Variants in GLI2 observed in about 807,000 individuals in gnomAD.
GLI2 encodes GLI family zinc finger 2, also known as transcription activator GLI2.
GLI2 carries 22 observed loss-of-function variants against 78.9 expected under a neutral mutation model. The observed-to-expected ratio is 0.28, with a 90% CI of 0.20 to 0.40. The LOEUF is 0.40. GLI2 is among the 10% of genes least tolerant of loss of function. The pLI is 1.00. For missense variants in GLI2, 2,097 were observed against 2,213.2 expected, an observed-to-expected ratio of 0.95 and a Z score of 1.05; for synonymous variants, 974 against 963.7, an observed-to-expected ratio of 1.01 and a Z score of -0.20.
At chr2:120,905,479 G>A (rs1573573840) in intron 2 of GLI2, among the ~76,000 whole-genome samples, 1 of 152,204 alleles carries the variant, frequency 6.6e-6, no homozygotes, top group Admixed American at 6.5e-5. Flanking sequence ...GACTCAGAGA[G>A]GTTGGGTGAT....
At chr2:120,971,448 C>T (rs1385643442) in intron 7 of GLI2, among the ~76,000 whole-genome samples, 1 of 152,254 alleles carries the variant, frequency 6.6e-6, no homozygotes, top group African/African-American at 2.4e-5. Flanking sequence ...CTCTCCACCC[C>T]AGGGCTCCTG....
At chr2:120,794,869 A>ATT (rs1015094008) in intron 1 of GLI2, among the ~76,000 whole-genome samples, 1 of 151,990 alleles carries the variant, frequency 6.6e-6, no homozygotes, top group African/African-American at 2.4e-5. Context: ...CAGCAAGCAG[A>ATT]TTTTTCTCTC....
chr2:120,854,129 T>TA (rs1363577271), intron 2 of GLI2, among the ~76,000 whole-genome samples: 2 of 152,044 alleles, frequency 1.3e-5, no homozygotes, highest in Non-Finnish European at 2.9e-5. Context: ...GTGTAGGAGT[T>TA]ACAGTGTAGA....
chr2:120,930,358 A>T (rs1679890477), intron 3 of GLI2, among the ~76,000 whole-genome samples: 1 of 152,230 alleles, frequency 6.6e-6, no homozygotes, highest in African/African-American at 2.4e-5. Flanking sequence ...CCATTTTACA[A>T]ATGAAGGAAC....
At chr2:120,914,678 C>T (rs1679005996) in intron 2 of GLI2, among the ~76,000 whole-genome samples, 2 of 152,172 alleles carry the variant, frequency 1.3e-5, no homozygotes. Context: ...GCTAAAGGGG[C>T]AGGAGCCCAG....
intron 2 of GLI2, among the ~76,000 whole-genome samples, chr2:120,806,372 T>G (rs1303619454): frequency 4.6e-5 from 7 of 152,186 alleles, no homozygotes; most frequent in Non-Finnish European, 2.9e-5. Flanking sequence ...GGACGTTGCC[T>G]CTGCCTTCTA....
chr2:120,917,543 C>T (rs1422681747), intron 2 of GLI2, among the ~76,000 whole-genome samples: 1 of 152,276 alleles, frequency 6.6e-6, no homozygotes, highest in Non-Finnish European at 1.5e-5. Context: ...TCCATGCGCC[C>T]CCTTTCCTGG....
At chr2:120,947,277 A>G (rs1269290654) in intron 3 of GLI2, among the ~76,000 whole-genome samples, 2 of 152,188 alleles carry the variant, frequency 1.3e-5, no homozygotes, top group African/African-American at 4.8e-5. Context: ...ACCACCTGCT[A>G]TCTGGGCACC....
chr2:120,903,926 A>T (rs573523032), intron 2 of GLI2, among the ~76,000 whole-genome samples: 2 of 152,096 alleles, frequency 1.3e-5, no homozygotes, highest in African/African-American at 4.8e-5. Flanking sequence ...CAAGAAACTC[A>T]GGGGTTCATT....
Position 120,825,574 on chromosome 2 carries a change from C to T in GLI2, c.148+28106C>T, listed in dbSNP as rs1486735871. Among the ~76,000 whole-genome samples, 5 of 148,610 alleles carry T rather than the reference C, an allele frequency of 3.4e-5. 1 individual carries two copies. The highest frequency in any genetic ancestry group is 1.2e-4 in the African/African-American group (5 of 40,160). On this transcript the variant is annotated intron_variant, in intron 2 of 13. Coordinates refer to ENST00000361492, the MANE Select transcript of GLI2 (RefSeq NM_001374353.1). ...CTCCTGGCTGTGAGTGTGCTCCTGG[C>T]TGTGGGTGTGCACCTGGCTGTGAGT...
intron 2 of GLI2, among the ~76,000 whole-genome samples, chr2:120,864,739 G>A (rs868587795): frequency 1.3e-5 from 2 of 152,126 alleles, no homozygotes; most frequent in African/African-American, 2.4e-5. Context: ...GAGTCACCGC[G>A]CCCGGCCCCA....
At chr2:120,936,252 T>C (rs1267383037) in intron 3 of GLI2, among the ~76,000 whole-genome samples, 1 of 152,134 alleles carries the variant, frequency 6.6e-6, no homozygotes, top group Non-Finnish European at 1.5e-5. Flanking sequence ...CATGTGAAAC[T>C]GTTGTGAGGA....
At position 120,970,519 on chromosome 2, in the gene GLI2, G is replaced by A. The variant is rs372424926; in HGVS notation, c.972G>A (p.Leu324=). ...TGATCCAGCCCTCACCCACCTTCCT[G>A]GCCCAGCAGCCCATGGCCCTCACCT... ...PPLIQPSPTF[L]AQQPMALTSI... Residue 324 remains leucine (L), a synonymous_variant, in exon 7 of 14, where the codon CTG becomes CTA. Coordinates refer to ENST00000361492, the MANE Select transcript of GLI2 (RefSeq NM_001374353.1). 3.1e-6 allele frequency: 5 copies of A among 1,613,976 alleles called. No homozygotes were observed. Among genetic ancestry groups the A allele is most frequent in the Non-Finnish European group, 4.2e-6 (5 of 1,179,986 alleles).
chr2:120,832,670 A>G (rs954600282), intron 2 of GLI2, among the ~76,000 whole-genome samples: 1 of 152,190 alleles, frequency 6.6e-6, no homozygotes, highest in Non-Finnish European at 1.5e-5. Context: ...TGTTCGGGCA[A>G]TGAGAAAATC....
chr2:120,973,492 CCCCGTCGCTCAGTGT>C (rs1682299650), intron 8 of GLI2, among the ~76,000 whole-genome samples: 1 of 152,192 alleles, frequency 6.6e-6, no homozygotes, highest in Non-Finnish European at 1.5e-5. Context: ...GAGGTTGTCC[CCCCGTCGCTCAGTGT>C]CCCGATTCAC....
intron 2 of GLI2, among the ~76,000 whole-genome samples, chr2:120,895,098 G>A (rs1231345922): frequency 6.6e-6 from 1 of 152,244 alleles, no homozygotes; most frequent in Non-Finnish European, 1.5e-5. Context: ...TGGGCCACCA[G>A]GCTGTGGACA....
chr2:120,956,865 G>A (rs974726620), intron 5 of GLI2, among the ~76,000 whole-genome samples: 10 of 152,064 alleles, frequency 6.6e-5, no homozygotes, highest in Admixed American at 4.6e-4. Context: ...TGCTCACCCC[G>A]ACCCGCCCCC....
At chr2:120,880,764 A>G (rs1677072551) in intron 2 of GLI2, among the ~76,000 whole-genome samples, 1 of 152,236 alleles carries the variant, frequency 6.6e-6, no homozygotes, top group Non-Finnish European at 1.5e-5. Flanking sequence ...TTTCTCTAGC[A>G]GAATTGTGAT....
At chr2:120,899,637 G>T (rs1678156746) in intron 2 of GLI2, among the ~76,000 whole-genome samples, 1 of 152,196 alleles carries the variant, frequency 6.6e-6, no homozygotes, top group African/African-American at 2.4e-5. Flanking sequence ...CGTCTCAGAA[G>T]GCCCTGTTCA....
Sources: allele counts gnomAD v4.1 joint callset (sites outside exome capture counted in the v4.1 genomes callset), GRCh38; gene constraint gnomAD v4.1.1; transcripts MANE v1.5; gene names NCBI Gene and HGNC (gene_info 2026-07-23, HGNC 2026-07-21).